Variants in COL13A1 observed in about 807,000 individuals in gnomAD.
The protein encoded by COL13A1 is collagen type XIII alpha 1 chain.
Under a neutral mutation model 130.9 loss-of-function variants are expected in COL13A1, and 89 were observed. That is an observed-to-expected ratio of 0.68 (90% CI 0.57 to 0.81). COL13A1 has a LOEUF of 0.81. COL13A1 is among the 30% of genes least tolerant of loss of function. COL13A1 has a pLI of 0.00. For synonymous variants in COL13A1, 402 were observed against 341.6 expected, an observed-to-expected ratio of 1.18 and a Z score of -1.95; for missense variants, 879 against 934.6, an observed-to-expected ratio of 0.94 and a Z score of 0.78.
chr10:69,858,651 C>G (rs1381921580), intron 2 of COL13A1, among the ~76,000 whole-genome samples: 2 of 152,202 alleles, frequency 1.3e-5, no homozygotes. Context: ...TGGGAGCCAA[C>G]TTCAGGCAAG....
chr10:69,833,738 A>G (rs753149628), intron 2 of COL13A1, among the ~76,000 whole-genome samples: 16 of 152,142 alleles, frequency 1.1e-4, no homozygotes, highest in Admixed American at 6.5e-5. Context: ...GACCTGAACA[A>G]CTGTGTTTTT....
intron 1 of COL13A1, among the ~76,000 whole-genome samples, chr10:69,805,067 C>G (rs1180877295): frequency 6.6e-6 from 1 of 152,048 alleles, no homozygotes; most frequent in African/African-American, 2.4e-5. Flanking sequence ...ATTGGGAGAA[C>G]TGGGGGAAGT....
chr10:69,943,155 T>C (rs1363204647), intron 35 of COL13A1, among the ~76,000 whole-genome samples: 1 of 152,196 alleles, frequency 6.6e-6, no homozygotes, highest in East Asian at 1.9e-4. Context: ...GCCTCCTTTT[T>C]CTTTCTGCTG....
At chr10:69,819,582 A>C (rs1325038910) in intron 1 of COL13A1, among the ~76,000 whole-genome samples, 2 of 152,152 alleles carry the variant, frequency 1.3e-5, no homozygotes, top group African/African-American at 4.8e-5. Context: ...GTAATTGAAT[A>C]TGGGTTGCCT....
chr10:69,854,096 C>T (rs1855737223), intron 2 of COL13A1, among the ~76,000 whole-genome samples: 1 of 152,246 alleles, frequency 6.6e-6, no homozygotes, highest in Non-Finnish European at 1.5e-5. Context: ...CTCGGCCTCC[C>T]GAGAACCCCA....
Position 69,802,387 on chromosome 10 carries a change from CTATT to C in COL13A1, c.-24_-21del, listed in dbSNP as rs1215667352. On this transcript the variant is annotated 5_prime_UTR_variant, in exon 1 of 41. Transcript: ENST00000645393. ...GCAGCGGCTGTCGCCTTTATTTATT[CTATT>C]TATTTATTTATTGGTTCTCAAGACG... 29 of 1,430,348 alleles carry C rather than the reference CTATT, an allele frequency of 2.0e-5. No individual in the cohort carries two copies. The highest frequency in any genetic ancestry group is 2.1e-4 in the Middle Eastern group (1 of 4,754). The allele number at this position is 1,430,348 out of a possible 1,614,324, so 88.6% of individuals were successfully genotyped here.
At position 69,822,405 on chromosome 10, in the gene COL13A1, C is replaced by T; in HGVS notation, c.331C>T (p.Pro111Ser). Residue 111 changes from proline (P) to serine (S), a missense_variant, in exon 2 of 41, where the codon CCA becomes TCA. Physicochemically the swap from Pro to Ser is moderately conservative, Grantham distance 74 (BLOSUM62 -1). Transcript: ENST00000645393. ...KLHSRRRREAPKTSPGCNCPP... is the reference protein window; with the variant it reads ...KLHSRRRREASKTSPGCNCPP... Reference sequence around the variant, plus strand: ...CCACTCAAGGAGGCGCCGGGAGGCCCCAAAGACATCTCCAGGATGTAACTG... The same window carrying T: ...CCACTCAAGGAGGCGCCGGGAGGCCTCAAAGACATCTCCAGGATGTAACTG... 1 of 1,594,636 alleles carries T rather than the reference C, an allele frequency of 6.3e-7. No homozygotes were observed. Among genetic ancestry groups the T allele is most frequent in the Non-Finnish European group, 8.5e-7 (1 of 1,170,848 alleles).
At chr10:69,849,211 A>T (rs1854009770) in intron 2 of COL13A1, among the ~76,000 whole-genome samples, 1 of 152,168 alleles carries the variant, frequency 6.6e-6, no homozygotes, top group South Asian at 2.1e-4. Flanking sequence ...CCAGATCTCA[A>T]ATCCATTATT....
chr10:69,922,570 G>A (rs2064823966), intron 22 of COL13A1, 138 bp from the exon 23 acceptor site: 2 of 545,368 alleles, frequency 3.7e-6, no homozygotes, highest in East Asian at 6.4e-5. Context: ...AAATCCCACA[G>A]CTGGATCAGA....
At chr10:69,859,598 A>G (rs953240408) in intron 2 of COL13A1, among the ~76,000 whole-genome samples, 1 of 152,246 alleles carries the variant, frequency 6.6e-6, no homozygotes, top group Non-Finnish European at 1.5e-5. Context: ...TGTGATGCCC[A>G]GAGACTTGTC....
intron 2 of COL13A1, among the ~76,000 whole-genome samples, chr10:69,841,589 A>G (rs994783756): frequency 9.9e-5 from 15 of 152,244 alleles, no homozygotes; most frequent in Non-Finnish European, 1.9e-4. Context: ...CCCGAGGGTG[A>G]GCAAGACATG....
intron 38 of COL13A1, among the ~76,000 whole-genome samples, chr10:69,952,199 G>A (rs1232010246): frequency 6.6e-6 from 1 of 152,228 alleles, no homozygotes; most frequent in Non-Finnish European, 1.5e-5. Flanking sequence ...GGGGCCATCC[G>A]TGAGCTCTGG....
At position 69,918,217 on chromosome 10, in the gene COL13A1, G is replaced by GC. The variant is rs966424050; in HGVS notation, c.967-62dup. ...TCACACCATGGGGAGGCTGTCCACT[G>GC]CCCCCCGCCCCCTGCTGCCCCCTCG... On this transcript the variant is annotated intron_variant, in intron 18 of 40. Transcript: ENST00000645393. 1,188 of 1,439,796 alleles carry GC rather than the reference G, an allele frequency of 8.3e-4. 3 individuals are homozygous for GC. Among genetic ancestry groups the GC allele is most frequent in the Middle Eastern group, 1.2e-3 (5 of 4,160 alleles). 89.2% of individuals were successfully genotyped at this position (1,439,796 alleles called of 1,614,324 possible). A position where few individuals can be genotyped will look rare whatever the true frequency, so the allele number is the denominator to read the frequency against.
At chr10:69,819,823 G>T (rs1004567498) in intron 1 of COL13A1, among the ~76,000 whole-genome samples, 1 of 152,156 alleles carries the variant, frequency 6.6e-6, no homozygotes, top group Non-Finnish European at 1.5e-5. Flanking sequence ...CTCTGCCCCT[G>T]CCTTAATGAC....
At chr10:69,861,273 G>A (rs542435105) in intron 2 of COL13A1, among the ~76,000 whole-genome samples, 3 of 152,314 alleles carry the variant, frequency 2.0e-5, no homozygotes, top group East Asian at 3.9e-4. Context: ...CTTCCATGGA[G>A]TTTACAGGAA....
chr10:69,912,125 G>A (rs191046914), intron 17 of COL13A1, among the ~76,000 whole-genome samples: 329 of 152,272 alleles, frequency 2.2e-3, no homozygotes, highest in African/African-American at 7.3e-3. Flanking sequence ...AGACTAAAGC[G>A]ACCCCAGCCC....
At chr10:69,802,836 G>C in intron 1 of COL13A1, 119 bp downstream of exon 1, 1 of 1,341,068 alleles carries the variant, frequency 7.5e-7, no homozygotes, top group South Asian at 1.3e-5. Flanking sequence ...GTTCGCGCGA[G>C]TTGCCTGCGG....
At chr10:69,856,693 C>A (rs1381759417) in intron 2 of COL13A1, among the ~76,000 whole-genome samples, 1 of 152,164 alleles carries the variant, frequency 6.6e-6, no homozygotes, top group Non-Finnish European at 1.5e-5. Context: ...CTGTCGATGC[C>A]TTTTGGATGT....
intron 17 of COL13A1, among the ~76,000 whole-genome samples, chr10:69,907,575 A>ATAACTAACCCACTTCCATGG: frequency 6.6e-6 from 1 of 152,046 alleles, no homozygotes; most frequent in Non-Finnish European, 1.5e-5. Flanking sequence ...CACTTCCATG[A>ATAACTAACCCACTTCCATGG]TAACTAACCC....
Sources: allele counts gnomAD v4.1 joint callset (sites outside exome capture counted in the v4.1 genomes callset), GRCh38; gene constraint gnomAD v4.1.1; transcripts MANE v1.5; gene names NCBI Gene and HGNC (gene_info 2026-07-23, HGNC 2026-07-21).